The following APBA2 variants were observed in gnomAD, a reference collection of about 807,000 sequenced individuals.
APBA2 encodes the protein amyloid beta precursor protein binding family A member 2.
APBA2 carries 30 observed loss-of-function variants against 75.0 expected under a neutral mutation model. The ratio of observed to expected loss-of-function variants is 0.40; its 90% confidence interval spans 0.30 to 0.54. The LOEUF is 0.54. APBA2 is among the 20% of genes least tolerant of loss of function. APBA2 has a pLI of 0.49. For synonymous variants in APBA2, 444 were observed against 409.6 expected, an observed-to-expected ratio of 1.08 and a Z score of -1.01; for missense variants, 801 against 1,016.1, an observed-to-expected ratio of 0.79 and a Z score of 2.88.
intron 14 of APBA2, among the ~76,000 whole-genome samples, chr15:29,115,386 G>C (rs985446699): frequency 6.6e-6 from 1 of 152,108 alleles, no homozygotes; most frequent in African/African-American, 2.4e-5. Flanking sequence ...TGGACTGGTG[G>C]GGGCAGGGGT....
In APBA2 at chr15:29,054,335, G is replaced by A. The variant is rs750416280; in HGVS notation, c.451G>A (p.Gly151Ser). 1.4e-5 allele frequency: 23 copies of A among 1,613,874 alleles called. No homozygotes were observed. Among genetic ancestry groups the A allele is most frequent in the Middle Eastern group, 1.6e-4 (1 of 6,082 alleles). Residue 151 changes from glycine to serine, a missense_variant, in exon 4 of 15, where the codon GGC becomes AGC. Coordinates refer to ENST00000683413, the MANE Select transcript of APBA2 (RefSeq NM_001353788.2). This position sits in a 1 kb window ranked among gnomAD's most constrained non-coding sequence, Gnocchi z 6.1. ...GGACTCGGCGGGCCCGCACCCCCAC[G>A]GCCACGAGGCTGAAGGCAGCCAGGA... is the stretch of plus-strand genomic sequence containing the variant. ...WTDSAGPHPH[G>S]HEAEGSQDYP...
At chr15:29,032,074 AG>A (rs1566927300) in intron 3 of APBA2, among the ~76,000 whole-genome samples, 1 of 152,230 alleles carries the variant, frequency 6.6e-6, no homozygotes, top group African/African-American at 2.4e-5. Flanking sequence ...CAGGATAGGA[AG>A]AGGTGACACC....
At chr15:28,955,920 C>G (rs551624125) in intron 2 of APBA2, among the ~76,000 whole-genome samples, 1 of 152,148 alleles carries the variant, frequency 6.6e-6, no homozygotes, top group African/African-American at 2.4e-5. Context: ...CAGGCAGGGC[C>G]GTGGACCCGT....
chr15:28,895,081 C>A (rs1365438841), intron 1 of APBA2, among the ~76,000 whole-genome samples: 1 of 152,174 alleles, frequency 6.6e-6, no homozygotes, highest in Non-Finnish European at 1.5e-5. Flanking sequence ...TTAACTTGCC[C>A]CTGTTTTTCT....
In APBA2 at chr15:28,918,118, G is replaced by C. The variant is rs540748422; in HGVS notation, c.-204-3522G>C. 6.6e-6 allele frequency among the ~76,000 whole-genome samples: 1 copy of C among 152,198 alleles called. No homozygotes were observed. The highest frequency in any genetic ancestry group is 1.5e-5 in the Non-Finnish European group (1 of 68,036). ...CTGAGCACTTGGGAGGCATAGGCTCGGCGGGAAGGGAAGGCCTGCAGGCTG... is the reference window on the plus strand; with the variant it reads ...CTGAGCACTTGGGAGGCATAGGCTCCGCGGGAAGGGAAGGCCTGCAGGCTG... On this transcript the variant is annotated intron_variant, in intron 1 of 14. Coordinates refer to ENST00000683413, the MANE Select transcript of APBA2 (RefSeq NM_001353788.2). The surrounding 1 kb of genome is among the most constrained non-coding windows in gnomAD (Gnocchi z 4.2).
rs1470506399 is a variant in APBA2 at position 28,915,753 on chromosome 15, A to C, written c.-204-5887A>C. Among the ~76,000 whole-genome samples the C allele has an allele frequency of 1.7e-3, 245 of 146,724 alleles. 1 individual carries two copies. The highest frequency in any genetic ancestry group is 2.8e-3 in the Non-Finnish European group (189 of 66,344). ...CATGCACACAAAACACACACACTCA[A>C]CTCTTCCACACTACATTACACTCCA... On this transcript the variant is annotated intron_variant, in intron 1 of 14. Coordinates refer to ENST00000683413, the MANE Select transcript of APBA2 (RefSeq NM_001353788.2).
At chr15:28,901,940 G>GTGTGTGTGTGTGTGTGTC (rs1338480866) in intron 1 of APBA2, among the ~76,000 whole-genome samples, 2 of 145,306 alleles carry the variant, frequency 1.4e-5, no homozygotes, top group Non-Finnish European at 3.0e-5. Context: ...GTGTGTGTGT[G>GTGTGTGTGTGTGTGTGTC]TATGTTGGGG....
At chr15:29,101,944 C>A in intron 10 of APBA2, 160 bp downstream of exon 10, 1 of 750,518 alleles carries the variant, frequency 1.3e-6, no homozygotes, top group Non-Finnish European at 2.3e-6. Context: ...TTTGGGTTTG[C>A]AAAGATAGTG....
intron 2 of APBA2, among the ~76,000 whole-genome samples, chr15:28,931,919 C>G (rs2034585412): frequency 6.6e-6 from 1 of 152,160 alleles, no homozygotes; most frequent in South Asian, 2.1e-4. Flanking sequence ...AGAAAGGTCC[C>G]TGCGTGTGAG....
intron 1 of APBA2, among the ~76,000 whole-genome samples, chr15:28,909,827 T>C (rs2033345602): frequency 2.0e-5 from 3 of 152,232 alleles, no homozygotes; most frequent in Non-Finnish European, 4.4e-5. Flanking sequence ...TTCTAAAGGA[T>C]GCTTCTGTGT....
chr15:28,945,609 C>T (rs1340694219), intron 2 of APBA2, among the ~76,000 whole-genome samples: 3 of 151,674 alleles, frequency 2.0e-5, no homozygotes, highest in Non-Finnish European at 4.4e-5. Context: ...ACCTCGGCCT[C>T]CCAAGTTCAA....
intron 2 of APBA2, among the ~76,000 whole-genome samples, chr15:28,923,974 A>C: frequency 6.6e-6 from 1 of 152,276 alleles, no homozygotes; most frequent in South Asian, 2.1e-4. Context: ...GTTTTGAGTG[A>C]TTTCAAGAGA....
intron 6 of APBA2, among the ~76,000 whole-genome samples, chr15:29,088,690 C>G (rs2043408381): frequency 6.6e-6 from 1 of 152,168 alleles, no homozygotes; most frequent in African/African-American, 2.4e-5. Context: ...CTGCCTGCCC[C>G]TCTGCCAGAG....
chr15:29,027,890 A>G (rs1221459218), intron 3 of APBA2, among the ~76,000 whole-genome samples: 1 of 151,924 alleles, frequency 6.6e-6, no homozygotes, highest in Non-Finnish European at 1.5e-5. Flanking sequence ...GGCGTGAGCC[A>G]CCGTGCCCGG....
intron 2 of APBA2, among the ~76,000 whole-genome samples, chr15:28,972,862 AAAATACTCCTCCT>A (rs1408223566): frequency 2.0e-5 from 3 of 152,246 alleles, no homozygotes; most frequent in Non-Finnish European, 4.4e-5. Flanking sequence ...TGTCAGCCAA[AAAATACTCCTCCT>A]GAAAAAACCT....
At chr15:29,076,312 G>C (rs2279495) in intron 6 of APBA2, among the ~76,000 whole-genome samples, 9,860 of 152,162 alleles carry the variant, frequency 0.065, 845 homozygotes, top group African/African-American at 0.2. Flanking sequence ...AACAGTAGAC[G>C]ATCTCCTTTA....
intron 2 of APBA2, among the ~76,000 whole-genome samples, chr15:28,951,618 C>A (rs1287254702): frequency 6.6e-6 from 1 of 151,964 alleles, no homozygotes; most frequent in Non-Finnish European, 1.5e-5. Context: ...CAAAGCCTTG[C>A]TCTGTTGCCA....
chr15:29,087,883 C>T (rs1041781454), intron 6 of APBA2, among the ~76,000 whole-genome samples: 6 of 152,192 alleles, frequency 3.9e-5, no homozygotes, highest in African/African-American at 1.2e-4. Context: ...ACTTTGGAAC[C>T]TCACACGATC....
At chr15:28,967,378 A>C (rs2036793395) in intron 2 of APBA2, among the ~76,000 whole-genome samples, 1 of 152,186 alleles carries the variant, frequency 6.6e-6, no homozygotes, top group South Asian at 2.1e-4. Context: ...TGGAACTAGA[A>C]GTTGATAGTC....
Sources: allele counts gnomAD v4.1 joint callset (sites outside exome capture counted in the v4.1 genomes callset), GRCh38; gene constraint gnomAD v4.1.1; non-coding constraint Gnocchi (gnomAD v3.1); transcripts MANE v1.5; gene names NCBI Gene and HGNC (gene_info 2026-07-23, HGNC 2026-07-21).